Variants in TNFSF13B observed in about 807,000 individuals in gnomAD.
TNFSF13B encodes TNF superfamily member 13b, also known as tumor necrosis factor ligand superfamily member 13B.
In TNFSF13B, 8 loss-of-function variants were observed where a neutral mutation model predicts 29.1. The observed-to-expected ratio is 0.27, with a 90% CI of 0.16 to 0.50. The LOEUF (loss-of-function observed/expected upper bound fraction) is 0.50. TNFSF13B is among the 20% of genes least tolerant of loss of function. TNFSF13B has a pLI of 0.98. For missense variants in TNFSF13B, 248 were observed against 334.9 expected (o/e 0.74, Z 2.03); for synonymous variants, 125 against 130.8 (o/e 0.96, Z 0.30).
chr13:108,283,021 G>T (rs1215397172), intron 2 of TNFSF13B, among the ~76,000 whole-genome samples: 1 of 152,114 alleles, frequency 6.6e-6, no homozygotes, highest in Non-Finnish European at 1.5e-5. Context: ...CAAAACTCTT[G>T]TGGTTAGATA....
intron 2 of TNFSF13B, among the ~76,000 whole-genome samples, chr13:108,284,007 T>G (rs1319460408): frequency 1.3e-5 from 2 of 152,124 alleles, no homozygotes; most frequent in African/African-American, 4.8e-5. Flanking sequence ...CTACTGAAGT[T>G]TTTGGGAAAC....
chr13:108,303,854 A>C (rs1881697470), intron 5 of TNFSF13B, among the ~76,000 whole-genome samples: 1 of 152,188 alleles, frequency 6.6e-6, no homozygotes, highest in African/African-American at 2.4e-5. Context: ...TTTCATAGCA[A>C]CTTCTACCTT....
chr13:108,302,699 A>G (rs750940170), intron 3 of TNFSF13B: 10 of 423,166 alleles, frequency 2.4e-5, no homozygotes, highest in Middle Eastern at 1.2e-3. Flanking sequence ...CTCAAATATC[A>G]TAGATGGTTG....
intron 3 of TNFSF13B, among the ~76,000 whole-genome samples, chr13:108,299,510 A>G (rs1023616574): frequency 1.4e-5 from 2 of 141,046 alleles, no homozygotes; most frequent in Admixed American, 6.9e-5. Context: ...CCTAGACTCT[A>G]TTCCTTGTCC....
At chr13:108,282,316 C>T (rs1444503397) in intron 2 of TNFSF13B, among the ~76,000 whole-genome samples, 1 of 152,150 alleles carries the variant, frequency 6.6e-6, no homozygotes, top group Non-Finnish European at 1.5e-5. Context: ...TATGGTAGTT[C>T]ATATTAGATT....
At chr13:108,276,516 C>T (rs1422796768) in intron 2 of TNFSF13B, among the ~76,000 whole-genome samples, 1 of 152,064 alleles carries the variant, frequency 6.6e-6, no homozygotes, top group Non-Finnish European at 1.5e-5. Flanking sequence ...CTCTTTTACA[C>T]AATCTTACAT....
rs1433332640 is a variant in TNFSF13B at position 108,270,163 on chromosome 13, A to G, written c.268A>G (p.Lys90Glu). 1.9e-6 allele frequency: 3 copies of G among 1,602,044 alleles called. No individual in the cohort carries two copies. Among genetic ancestry groups the G allele is most frequent in the Non-Finnish European group, 2.5e-6 (3 of 1,179,660 alleles). The stretch of plus-strand genomic sequence containing the variant: ...AGAGCTGCAGGGCCACCACGCGGAG[A>G]AGCTGCCAGCAGGAGCAGGAGCCCC... ...RAELQGHHAE[K>E]LPAGAGAPKA... The change falls in exon 1 of 6, where the codon AAG becomes GAG. Residue 90 changes from lysine to glutamate, a missense_variant. Transcript: ENST00000375887.
At chr13:108,270,467 G>A (rs1880582671) in intron 2 of TNFSF13B, 43 bp downstream of exon 2, 1 of 1,569,536 alleles carries the variant, frequency 6.4e-7, no homozygotes, top group Non-Finnish European at 8.8e-7. Context: ...AGGGATTAGA[G>A]AATAACATCC....
At position 108,306,750 on chromosome 13, in the gene TNFSF13B, A is replaced by C; in HGVS notation, c.746-76A>C. ...TGTTAACATTTTTTTTTTACAGAAC[A>C]AAATAGTTTTATTTAAGATTCTTTT... On this transcript the variant is annotated intron_variant, in intron 5 of 5. Transcript: ENST00000375887. 3 of 892,978 alleles carry C rather than the reference A, an allele frequency of 3.4e-6. No individual in the cohort carries two copies. The East Asian group carries it at 8.3e-5, about 25-fold the overall frequency. 55.3% of individuals were successfully genotyped at this position (892,978 alleles called of 1,614,324 possible).
At chr13:108,288,131 T>A (rs574661322) in intron 3 of TNFSF13B, among the ~76,000 whole-genome samples, 128 of 152,302 alleles carry the variant, frequency 8.4e-4, no homozygotes, top group Non-Finnish European at 6.9e-4. Flanking sequence ...TGTATCGACC[T>A]CTCTCTGAAA....
intron 2 of TNFSF13B, among the ~76,000 whole-genome samples, chr13:108,278,620 C>G (rs1477791860): frequency 2.1e-5 from 3 of 140,324 alleles, no homozygotes; most frequent in East Asian, 2.2e-4. Flanking sequence ...CCCTTCTCTT[C>G]CTCCTCCTCC....
At chr13:108,292,770 G>A (rs1881357217) in intron 3 of TNFSF13B, among the ~76,000 whole-genome samples, 2 of 151,946 alleles carry the variant, frequency 1.3e-5, no homozygotes, top group Admixed American at 1.3e-4. Context: ...TAATTGGGTT[G>A]TTTGTCTTTT....
chr13:108,287,162 C>T (rs1253281446), intron 3 of TNFSF13B, among the ~76,000 whole-genome samples: 1 of 151,676 alleles, frequency 6.6e-6, no homozygotes, highest in African/African-American at 2.4e-5. Flanking sequence ...GGAGATATAC[C>T]TACTGTTAAA....
intron 2 of TNFSF13B, among the ~76,000 whole-genome samples, chr13:108,280,071 T>G (rs1330948057): frequency 6.8e-6 from 1 of 146,408 alleles, no homozygotes; most frequent in African/African-American, 2.5e-5. Flanking sequence ...GGCGTCTGCT[T>G]TTTTTTTTTT....
chr13:108,296,972 AAGG>A (rs1446439569), intron 3 of TNFSF13B, among the ~76,000 whole-genome samples: 6 of 145,996 alleles, frequency 4.1e-5, no homozygotes, highest in Admixed American at 2.7e-4. Context: ...TAGGAAACAA[AAGG>A]AGAAGTTAAA....
At chr13:108,279,113 A>G (rs1396605488) in intron 2 of TNFSF13B, among the ~76,000 whole-genome samples, 1 of 152,196 alleles carries the variant, frequency 6.6e-6, no homozygotes, top group East Asian at 1.9e-4. Flanking sequence ...CATTTCATAA[A>G]GCTGGATTTA....
At chr13:108,278,656 C>T (rs868754600) in intron 2 of TNFSF13B, among the ~76,000 whole-genome samples, 2 of 13,508 alleles carry the variant, frequency 1.5e-4, no homozygotes, top group Non-Finnish European at 1.8e-4. Context: ...ACTTCTCTTT[C>T]TCCTCCTCCT....
intron 2 of TNFSF13B, among the ~76,000 whole-genome samples, chr13:108,278,653 T>C (rs1448655293): frequency 7.4e-4 from 2 of 2,718 alleles, no homozygotes; most frequent in African/African-American, 1.2e-3. Context: ...TCCACTTCTC[T>C]TTCTCCTCCT....
At chr13:108,278,686 C>T (rs1470104463) in intron 2 of TNFSF13B, among the ~76,000 whole-genome samples, 8 of 39,038 alleles carry the variant, frequency 2.0e-4, no homozygotes, top group African/African-American at 6.9e-4. Context: ...TCCTCCTTTC[C>T]TCCTCCTCTT....
Sources: gnomAD v4.1 joint callset for allele counts (sites outside exome capture counted in the v4.1 genomes callset) on GRCh38, gnomAD v4.1.1 for gene constraint, MANE v1.5 for transcripts, NCBI Gene and HGNC (gene_info 2026-07-23, HGNC 2026-07-21) for gene names.